SLC4A4: variants seen among roughly 807,000 people sequenced by gnomAD.
SLC4A4 encodes electrogenic sodium bicarbonate cotransporter 1.
Under a neutral mutation model 111.5 loss-of-function variants are expected in SLC4A4, and 27 were observed. The observed-to-expected ratio is 0.24, with a 90% CI of 0.18 to 0.33. The LOEUF (loss-of-function observed/expected upper bound fraction) is 0.33, where lower values mean the gene tolerates loss of function less well. Among genes scored for constraint, SLC4A4 ranks in the 10% least tolerant of loss-of-function variants. The pLI, the probability that SLC4A4 is intolerant of heterozygous loss-of-function variation, is 1.00. For synonymous variants in SLC4A4, 443 were observed against 463.4 expected, an observed-to-expected ratio of 0.96 and a Z score of 0.57; for missense variants, 909 against 1,315.5, an observed-to-expected ratio of 0.69 and a Z score of 4.78.
intron 7 of SLC4A4, among the ~76,000 whole-genome samples, chr4:71,429,266 A>G (rs999887416): frequency 2.6e-5 from 4 of 152,122 alleles, no homozygotes; most frequent in Admixed American, 2.6e-4. Context: ...GAAAGATTGA[A>G]CTTTAAAAAT....
intron 14 of SLC4A4, among the ~76,000 whole-genome samples, chr4:71,474,335 A>C (rs560621318): frequency 6.6e-6 from 1 of 152,050 alleles, no homozygotes; most frequent in African/African-American, 2.4e-5. Context: ...TTCATGCAAT[A>C]TCCACTGCGA....
intron 6 of SLC4A4, among the ~76,000 whole-genome samples, chr4:71,378,014 C>T (rs1478009545): frequency 2.0e-5 from 3 of 152,194 alleles, no homozygotes; most frequent in South Asian, 4.2e-4. Flanking sequence ...CTGATAAACC[C>T]ATCAGATCTC....
intron 1 of SLC4A4, among the ~76,000 whole-genome samples, chr4:71,069,326 G>A (rs1741609090): frequency 6.6e-6 from 1 of 152,080 alleles, no homozygotes; most frequent in African/African-American, 2.4e-5. Context: ...AGAGGCCAAA[G>A]GTACATTCTC....
At chr4:71,144,330 T>A (rs1744101969) in intron 2 of SLC4A4, among the ~76,000 whole-genome samples, 1 of 152,212 alleles carries the variant, frequency 6.6e-6, no homozygotes, top group Admixed American at 6.5e-5. Context: ...ACCAGTACCA[T>A]TTTGTTTTGG....
intron 5 of SLC4A4, among the ~76,000 whole-genome samples, chr4:71,354,004 C>T (rs1378966521): frequency 5.3e-5 from 8 of 152,082 alleles, no homozygotes; most frequent in Admixed American, 4.6e-4. Flanking sequence ...GATTTTTTCA[C>T]GAAGAACCCC....
intron 2 of SLC4A4, among the ~76,000 whole-genome samples, chr4:71,152,010 C>A (rs879617329): frequency 4.0e-5 from 6 of 151,572 alleles, no homozygotes; most frequent in South Asian, 2.1e-4. Context: ...GGTGACAGAG[C>A]AAAACCCTCT....
chr4:71,103,276 C>T (rs1742813540), intron 2 of SLC4A4, among the ~76,000 whole-genome samples: 2 of 151,700 alleles, frequency 1.3e-5, no homozygotes, highest in South Asian at 4.2e-4. Context: ...TAAAGCAAGT[C>T]CTGAGTGACC....
intron 1 of SLC4A4, among the ~76,000 whole-genome samples, chr4:71,192,362 C>G (rs1352160177): frequency 6.6e-6 from 1 of 152,174 alleles, no homozygotes; most frequent in Non-Finnish European, 1.5e-5. Flanking sequence ...ATTCACTTTA[C>G]TCCTAGGACA....
At chr4:71,297,263 C>G (rs1364889984) in intron 3 of SLC4A4, among the ~76,000 whole-genome samples, 1 of 152,142 alleles carries the variant, frequency 6.6e-6, no homozygotes, top group Non-Finnish European at 1.5e-5. Flanking sequence ...CTGGGAACCA[C>G]CAGGATCATG....
chr4:71,445,361 T>C (rs536303366), intron 8 of SLC4A4, among the ~76,000 whole-genome samples: 6 of 152,298 alleles, frequency 3.9e-5, no homozygotes, highest in Non-Finnish European at 7.4e-5. Context: ...TGTTGCTATA[T>C]AGTCAACCTG....
At position 71,172,091 on chromosome 4, in the gene SLC4A4, T is replaced by C. The variant is rs544898727; in HGVS notation, c.-1-64485T>C. 6.0e-4 allele frequency among the ~76,000 whole-genome samples: 91 copies of C among 152,234 alleles called. 1 individual carries two copies. The highest frequency in any genetic ancestry group is 2.1e-3 in the African/African-American group (89 of 41,530). On this transcript the variant is annotated intron_variant, in intron 2 of 26. Coordinates refer to the SLC4A4 transcript ENST00000649996. ...CACTACACCTATGAAAAAAATTGAGTATTGAGAAGTAATGTGGGGTTACTT... is the reference window on the plus strand; with the variant it reads ...CACTACACCTATGAAAAAAATTGAGCATTGAGAAGTAATGTGGGGTTACTT...
At chr4:71,305,354 T>C (rs915530154) in intron 3 of SLC4A4, among the ~76,000 whole-genome samples, 1 of 152,186 alleles carries the variant, frequency 6.6e-6, no homozygotes, top group Non-Finnish European at 1.5e-5. Context: ...ACTTAAGAGG[T>C]CTGTTCCATT....
upstream of SLC4A4, among the ~76,000 whole-genome samples, chr4:71,186,525 A>T (rs574861740): frequency 5.9e-5 from 9 of 152,086 alleles, no homozygotes; most frequent in Non-Finnish European, 1.3e-4. Context: ...GGGAGGCAAG[A>T]GCGGCCGGTC....
chr4:71,470,900 G>A (rs1352118262), intron 13 of SLC4A4, among the ~76,000 whole-genome samples: 1 of 151,922 alleles, frequency 6.6e-6, no homozygotes, highest in African/African-American at 2.4e-5. Flanking sequence ...GCAACTGATT[G>A]GATGAGTTCC....
At chr4:71,135,450 C>T (rs906504385) in intron 2 of SLC4A4, among the ~76,000 whole-genome samples, 3 of 151,968 alleles carry the variant, frequency 2.0e-5, no homozygotes, top group Non-Finnish European at 4.4e-5. Context: ...CCTGCACCAC[C>T]ATGCCTGGCT....
chr4:71,142,034 A>G (rs1464804144), intron 2 of SLC4A4, among the ~76,000 whole-genome samples: 1 of 152,244 alleles, frequency 6.6e-6, no homozygotes, highest in Non-Finnish European at 1.5e-5. Context: ...ACAAAATTGC[A>G]TCAGACCTGA....
chr4:71,544,314 G>T (rs1208087994), intron 18 of SLC4A4, among the ~76,000 whole-genome samples: 1 of 152,010 alleles, frequency 6.6e-6, no homozygotes, highest in African/African-American at 2.4e-5. Context: ...AAGAGTAGAG[G>T]TTATTCCGGG....
chr4:71,339,011 C>A, intron 3 of SLC4A4: 1 of 1,388,796 alleles, frequency 7.2e-7, no homozygotes, highest in Non-Finnish European at 9.4e-7. Flanking sequence ...CTGGTTCAAG[C>A]TGGCTTTTGT....
intron 6 of SLC4A4, among the ~76,000 whole-genome samples, chr4:71,367,782 T>C (rs2148928315): frequency 6.6e-6 from 1 of 152,330 alleles, no homozygotes; most frequent in African/African-American, 2.4e-5. Flanking sequence ...TGGCTTTATT[T>C]ACAGCTTTTA....
Sources: gnomAD v4.1 joint callset for allele counts (sites outside exome capture counted in the v4.1 genomes callset) on GRCh38, gnomAD v4.1.1 for gene constraint, MANE v1.5 for transcripts, NCBI Gene and HGNC (gene_info 2026-07-23, HGNC 2026-07-21) for gene names.